Variants in LRRC19 observed in about 807,000 individuals in gnomAD.
LRRC19 encodes the protein leucine-rich repeat-containing protein 19.
A neutral mutation model predicts 33.3 loss-of-function variants in LRRC19; 33 were observed. That is an observed-to-expected ratio of 0.99 (90% CI 0.75 to 1.33). The LOEUF (loss-of-function observed/expected upper bound fraction) is 1.33, where lower values mean the gene tolerates loss of function less well. LRRC19 is among the 40% of genes most tolerant of loss of function. LRRC19 has a pLI of 0.00. For missense variants in LRRC19, 463 were observed against 417.3 expected, an observed-to-expected ratio of 1.11 and a Z score of -0.95; for synonymous variants, 184 against 152.3, an observed-to-expected ratio of 1.21 and a Z score of -1.53.
chr9:26,998,973 G>A (rs993065237), intron 2 of LRRC19, among the ~76,000 whole-genome samples: 5 of 152,164 alleles, frequency 3.3e-5, no homozygotes, highest in Non-Finnish European at 5.9e-5. Context: ...CAGCCTGGGC[G>A]ACAGAGCGAG....
At chr9:27,004,670 T>C (rs1042434953) in intron 1 of LRRC19, among the ~76,000 whole-genome samples, 1 of 152,230 alleles carries the variant, frequency 6.6e-6, no homozygotes, top group Non-Finnish European at 1.5e-5. Flanking sequence ...CATTGTTGCT[T>C]TCTTTCTCCT....
Position 26,999,675 on chromosome 9 carries a change from G to A in LRRC19, c.20C>T (p.Thr7Ile). Residue 7 changes from threonine (T) to isoleucine (I), a missense_variant, in exon 2 of 5, where the codon ACA becomes ATA. Thr to Ile is a moderately conservative substitution (Grantham distance 89). Transcript: ENST00000380055. MKVTGI[T>I]ILFWPLSMIL... is the part of the protein sequence containing the mutation. ...CATGGAGAGGGGCCAAAAGAGGATT[G>A]TGATGCCTGTGACTTTCATGTTGCA... The A allele has an allele frequency of 6.2e-7, 1 of 1,608,386 alleles. No homozygotes were observed. The highest frequency in any genetic ancestry group is 8.5e-7 in the Non-Finnish European group (1 of 1,177,420).
chr9:27,001,304 T>C (rs927602003), intron 1 of LRRC19, among the ~76,000 whole-genome samples: 6 of 152,198 alleles, frequency 3.9e-5, no homozygotes, highest in Non-Finnish European at 7.3e-5. Context: ...TCATCTCTTT[T>C]TTTTAAATGT....
chr9:26,995,794 TACAGTGACA>T lies in LRRC19; in HGVS notation c.831_839del (p.Val278_Val280del), dbSNP rs766878833. 88 of 1,613,252 alleles carry T rather than the reference TACAGTGACA, an allele frequency of 5.5e-5. No individual in the cohort carries two copies. The highest frequency in any genetic ancestry group is 7.1e-5 in the Non-Finnish European group (84 of 1,179,674). On this transcript the variant is annotated inframe_deletion, in exon 5 of 5. Coordinates refer to ENST00000380055, the MANE Select transcript of LRRC19 (RefSeq NM_022901.3). The stretch of plus-strand genomic sequence containing the variant: ...TAAAAATGAGAAGTGAAGTCGTCAG[TACAGTGACA>T]ACAACACCAACAAGAAAAGCCCAAC...
chr9:26,994,744 A>G lies in LRRC19; in HGVS notation c.*777T>C, dbSNP rs1248822765. On this transcript the variant is annotated 3_prime_UTR_variant, in exon 5 of 5. Coordinates refer to ENST00000380055, the MANE Select transcript of LRRC19 (RefSeq NM_022901.3). Reference sequence around the variant, plus strand: ...GAAATAGCTGTCCATGGACCACATGAAGATTCCTTAGTGTCAGCACAGACC... The same window carrying G: ...GAAATAGCTGTCCATGGACCACATGGAGATTCCTTAGTGTCAGCACAGACC... 6.6e-6 allele frequency: 1 copy of G among 152,586 alleles called. No individual in the cohort carries two copies. Among genetic ancestry groups the G allele is most frequent in the East Asian group, 1.9e-4 (1 of 5,194 alleles). The allele number at this position is 152,586 out of a possible 1,614,324, so 9.5% of individuals were successfully genotyped here. A position where few individuals can be genotyped will look rare whatever the true frequency, so the allele number is the denominator to read the frequency against.
chr9:26,998,000 G>C lies in LRRC19; in HGVS notation c.323C>G (p.Ser108Cys). The stretch of plus-strand genomic sequence containing the variant: ...TGCACCCTGTTGAATTACATAGATG[G>C]AGTTTCTACAGATATTTAAAATTTC... The part of the protein sequence containing the change: ...SLEILNICRN[S>C]IYVIQQGAFL... The change falls in exon 3 of 5, where the codon TCC becomes TGC. Residue 108 changes from serine to cysteine, a missense_variant. Transcript: ENST00000380055. The C allele has an allele frequency of 6.2e-7, 1 of 1,613,880 alleles. No individual in the cohort carries two copies. The highest frequency in any genetic ancestry group is 8.5e-7 in the Non-Finnish European group (1 of 1,179,940).
chr9:26,999,415 A>G (rs1416457228), intron 2 of LRRC19, among the ~76,000 whole-genome samples, 199 bp downstream of exon 2: 1 of 152,140 alleles, frequency 6.6e-6, no homozygotes, highest in African/African-American at 2.4e-5. Context: ...TCTCCCTTTA[A>G]TCAACTTTTA....
At position 26,994,705 on chromosome 9, in the gene LRRC19, C is replaced by G. The variant is rs951611025; in HGVS notation, c.*816G>C. 1.3e-5 allele frequency: 2 copies of G among 152,572 alleles called. No individual in the cohort carries two copies. Among genetic ancestry groups the G allele is most frequent in the Non-Finnish European group, 2.9e-5 (2 of 68,028 alleles). 9.5% of individuals were successfully genotyped at this position (152,572 alleles called of 1,614,324 possible). On this transcript the variant is annotated 3_prime_UTR_variant, in exon 5 of 5. Coordinates refer to ENST00000380055, the MANE Select transcript of LRRC19 (RefSeq NM_022901.3). ...AACAATTTGGGAAACATTGCTCTATCTACTGAATAGATAGAAATAGCTGTC... is the reference window on the plus strand; with the variant it reads ...AACAATTTGGGAAACATTGCTCTATGTACTGAATAGATAGAAATAGCTGTC...
rs538335699 is a variant in LRRC19, at chr9:27,005,648, C to T, written c.-66G>A. On this transcript the variant is annotated 5_prime_UTR_variant, in exon 1 of 5. Transcript: ENST00000380055. ...CTAAAGGAAATTAACTCTGTTTCAA[C>T]GGCATTAAAAAAAGTACATCGTATG... 4 of 151,014 alleles carry T rather than the reference C, an allele frequency of 2.6e-5. No individual in the cohort carries two copies. The highest frequency in any genetic ancestry group is 2.9e-5 in the Non-Finnish European group (2 of 67,860). The allele number at this position is 151,014 out of a possible 1,614,324, so 9.4% of individuals were successfully genotyped here.
In LRRC19 at chr9:27,003,741, T is replaced by G. The variant is rs1640287495; in HGVS notation, c.-10+1851A>C. ...TGAAATTTGTTAGGAAAAGCTACTC[T>G]GCCTCCTATATTTTATAAAATTTGG... On this transcript the variant is annotated intron_variant, in intron 1 of 4. Coordinates refer to ENST00000380055, the MANE Select transcript of LRRC19 (RefSeq NM_022901.3). 2.6e-5 allele frequency among the ~76,000 whole-genome samples: 4 copies of G among 152,220 alleles called. No homozygotes were observed. The South Asian group carries it at 8.3e-4, about 32-fold the overall frequency.
Position 26,998,022 on chromosome 9 carries a change from T to G in LRRC19, c.301A>C (p.Ile101Leu), listed in dbSNP as rs1828257177. ...NGFGNLSSLE[I>L]LNICRNSIYV... ...ATGGAGTTTCTACAGATATTTAAAA[T>G]TTCTAGACTGGAGAGGTTACCAAAA... Residue 101 changes from isoleucine to leucine, a missense_variant, in exon 3 of 5, where the codon ATT becomes CTT. By Grantham distance (5) the Ile-to-Leu change is conservative (BLOSUM62 2). Coordinates refer to ENST00000380055, the MANE Select transcript of LRRC19 (RefSeq NM_022901.3). The G allele has an allele frequency of 1.9e-6, 3 of 1,613,766 alleles. No individual in the cohort carries two copies. In the South Asian group the frequency reaches 3.3e-5, roughly 18 times the overall value.
At chr9:27,004,964 A>G (rs1563966426) in intron 1 of LRRC19, among the ~76,000 whole-genome samples, 2 of 152,166 alleles carry the variant, frequency 1.3e-5, no homozygotes, top group South Asian at 2.1e-4. Context: ...TATGATTATT[A>G]TATGCTATGA....
chr9:26,999,239 T>C (rs1563962086), intron 2 of LRRC19, among the ~76,000 whole-genome samples: 1 of 152,194 alleles, frequency 6.6e-6, no homozygotes, highest in Non-Finnish European at 1.5e-5. Flanking sequence ...GAACTAAGAA[T>C]AGTTCTGGTT....
Position 27,005,302 on chromosome 9 carries a change from TA to T in LRRC19, c.-10+289del, listed in dbSNP as rs1214291997. Among the ~76,000 whole-genome samples the T allele has an allele frequency of 4.9e-5, 7 of 144,328 alleles. No individual in the cohort carries two copies. The South Asian group carries it at 8.8e-4, about 18-fold the overall frequency. The allele number at this position is 144,328 out of a possible 152,430, so 94.7% of individuals were successfully genotyped here. ...ACTTCAGAATGCTCTGTGATTAACATATTTTAAAATAAAAATTCTTATAAAT... is the reference window on the plus strand; with the variant it reads ...ACTTCAGAATGCTCTGTGATTAACATTTTTAAAATAAAAATTCTTATAAAT... On this transcript the variant is annotated intron_variant, in intron 1 of 4. Transcript: ENST00000380055.
chr9:27,003,016 T>C (rs1828581815), intron 1 of LRRC19, among the ~76,000 whole-genome samples: 1 of 152,170 alleles, frequency 6.6e-6, no homozygotes, highest in Non-Finnish European at 1.5e-5. Context: ...ATTGGTTAAA[T>C]TGATTCCAAG....
intron 2 of LRRC19, among the ~76,000 whole-genome samples, chr9:26,998,541 AT>A (rs779197696): frequency 1.3e-5 from 2 of 152,204 alleles, no homozygotes; most frequent in African/African-American, 2.4e-5. Context: ...ATTCCCATTT[AT>A]ATATGTGGAA....
At chr9:27,002,046 A>C (rs1828526570) in intron 1 of LRRC19, among the ~76,000 whole-genome samples, 1 of 152,054 alleles carries the variant, frequency 6.6e-6, no homozygotes, top group African/African-American at 2.4e-5. Context: ...ATCATGGTGG[A>C]AGGTGAAGGG....
chr9:26,999,573 C>T (rs761142921), intron 2 of LRRC19, 41 bp downstream of exon 2: 2 of 1,413,258 alleles, frequency 1.4e-6, no homozygotes, highest in Non-Finnish European at 2.0e-6. Context: ...AGAAAATGTA[C>T]CTTTGAAAAT....
At chr9:26,995,927 T>C in intron 4 of LRRC19, 78 bp from the exon 5 acceptor site, 1 of 974,634 alleles carries the variant, frequency 1.0e-6, no homozygotes, top group Non-Finnish European at 1.5e-6. Context: ...TATATCCTAA[T>C]TCTCCTCAAT....
Sources: gnomAD v4.1 joint callset for allele counts (sites outside exome capture counted in the v4.1 genomes callset) on GRCh38, gnomAD v4.1.1 for gene constraint, MANE v1.5 for transcripts, NCBI Gene and HGNC (gene_info 2026-07-23, HGNC 2026-07-21) for gene names.